The following CFAP299 variants were observed in gnomAD, a reference collection of about 807,000 sequenced individuals.
The protein encoded by CFAP299 is cilia and flagella associated protein 299, also known as cilia- and flagella-associated protein 299.
A neutral mutation model predicts 27.0 loss-of-function variants in CFAP299; 21 were observed. That is an observed-to-expected ratio of 0.78 (90% CI 0.55 to 1.12). CFAP299 has a LOEUF of 1.12. Ranked by LOEUF, CFAP299 falls within the 50% of genes most tolerant of loss-of-function variation. The probability of loss-of-function intolerance (pLI) is 0.00; values close to 1 mark genes in which losing one functional copy is unlikely to be tolerated. For synonymous variants in CFAP299, 104 were observed against 98.1 expected (o/e 1.06, Z -0.36); for missense variants, 310 against 276.6 (o/e 1.12, Z -0.86).
chr4:80,427,249 T>C lies in CFAP299; in HGVS notation c.242+64365T>C, dbSNP rs192054790. Among the ~76,000 whole-genome samples, 475 of 152,318 alleles carry C rather than the reference T, an allele frequency of 3.1e-3. 1 individual carries two copies. The highest frequency in any genetic ancestry group is 0.027 in the South Asian group (132 of 4,824). The stretch of plus-strand genomic sequence containing the variant: ...CCAGCTTATTTAACCATATAATTCC[T>C]TTCCACCAACATATTTTATTTTATT... On this transcript the variant is annotated intron_variant, in intron 2 of 5. Transcript: ENST00000358105.
intron 5 of CFAP299, among the ~76,000 whole-genome samples, chr4:80,949,542 A>G (rs1360214134): frequency 2.4e-5 from 1 of 41,946 alleles, no homozygotes; most frequent in African/African-American, 5.6e-5. Flanking sequence ...AAAAACAACA[A>G]CAACAAAAAA....
At chr4:80,771,913 CT>C (rs1040775595) in intron 3 of CFAP299, among the ~76,000 whole-genome samples, 1 of 152,248 alleles carries the variant, frequency 6.6e-6, no homozygotes, top group African/African-American at 2.4e-5. Flanking sequence ...GAATGTTATT[CT>C]TTGCTGAACG....
intron 3 of CFAP299, among the ~76,000 whole-genome samples, chr4:80,803,737 A>G (rs1354135470): frequency 6.7e-6 from 1 of 149,120 alleles, no homozygotes; most frequent in East Asian, 1.9e-4. Flanking sequence ...TGTATAATAT[A>G]TATTTTATTT....
At chr4:80,558,071 G>T (rs1289996143) in intron 2 of CFAP299, among the ~76,000 whole-genome samples, 1 of 151,966 alleles carries the variant, frequency 6.6e-6, no homozygotes, top group Non-Finnish European at 1.5e-5. Flanking sequence ...TTTTAATAAT[G>T]GTCAACACAA....
chr4:80,475,881 A>G (rs1730249633), intron 2 of CFAP299, among the ~76,000 whole-genome samples: 1 of 152,208 alleles, frequency 6.6e-6, no homozygotes, highest in South Asian at 2.1e-4. Flanking sequence ...ATGATCTAGG[A>G]AAGGGACTGA....
At chr4:80,385,934 G>A (rs751904128) in intron 2 of CFAP299, among the ~76,000 whole-genome samples, 15 of 152,240 alleles carry the variant, frequency 9.9e-5, no homozygotes, top group Non-Finnish European at 1.3e-4. Context: ...CTCTCTTGCC[G>A]TGGCTCTGCC....
chr4:80,406,072 A>C lies in CFAP299; in HGVS notation c.242+43188A>C, dbSNP rs78730306. Among the ~76,000 whole-genome samples the C allele has an allele frequency of 3.4e-3, 521 of 152,262 alleles. 1 individual carries two copies. Among genetic ancestry groups the C allele is most frequent in the African/African-American group, 0.012 (490 of 41,556 alleles). On this transcript the variant is annotated intron_variant, in intron 2 of 5. Transcript: ENST00000358105. ...CTCCAAAACAAAACAACAACAAAAA[A>C]CCTAATGTCCCACACAAGATCAAAG... is the stretch of plus-strand genomic sequence containing the variant.
chr4:80,765,391 C>T (rs1261036829), intron 3 of CFAP299, among the ~76,000 whole-genome samples: 1 of 151,974 alleles, frequency 6.6e-6, no homozygotes, highest in Non-Finnish European at 1.5e-5. Flanking sequence ...AATTCCACAT[C>T]CAGGCTGAAT....
At chr4:80,587,300 C>T (rs1186609413) in intron 3 of CFAP299, among the ~76,000 whole-genome samples, 1 of 152,000 alleles carries the variant, frequency 6.6e-6, no homozygotes, top group African/African-American at 2.4e-5. Flanking sequence ...ATTTATTTCA[C>T]CAGAAAAACT....
intron 3 of CFAP299, among the ~76,000 whole-genome samples, chr4:80,782,200 C>T (rs147725969): frequency 1.1e-4 from 17 of 152,054 alleles, no homozygotes; most frequent in South Asian, 4.1e-4. Context: ...GAGACATCTT[C>T]TTTTCCACCA....
chr4:80,763,027 CTCTA>C (rs1328711212), intron 3 of CFAP299, among the ~76,000 whole-genome samples: 2 of 152,132 alleles, frequency 1.3e-5, no homozygotes, highest in Non-Finnish European at 2.9e-5. Context: ...TAAGCTTTTT[CTCTA>C]TCTGTTTTCC....
At chr4:80,457,373 T>C (rs1030187960) in intron 2 of CFAP299, among the ~76,000 whole-genome samples, 3 of 152,168 alleles carry the variant, frequency 2.0e-5, no homozygotes, top group African/African-American at 7.2e-5. Context: ...TCAAATAGGT[T>C]ATCATGTTAT....
At chr4:80,574,338 C>CTAA (rs1735741385) in intron 2 of CFAP299, among the ~76,000 whole-genome samples, 1 of 152,040 alleles carries the variant, frequency 6.6e-6, no homozygotes, top group South Asian at 2.1e-4. Flanking sequence ...TTTATCAGTT[C>CTAA]TAATAGTTTT....
At chr4:80,758,211 T>G (rs926201436) in intron 3 of CFAP299, among the ~76,000 whole-genome samples, 1 of 152,098 alleles carries the variant, frequency 6.6e-6, no homozygotes, top group Non-Finnish European at 1.5e-5. Flanking sequence ...GTGGGGAATT[T>G]TATTGCTGAG....
At position 80,777,359 on chromosome 4, in the gene CFAP299, G is replaced by C. The variant is rs62302212; in HGVS notation, c.334-92634G>C. Among the ~76,000 whole-genome samples the C allele has an allele frequency of 8.7e-3, 1,327 of 152,014 alleles. 14 individuals carry two copies. Among genetic ancestry groups the C allele is most frequent in the Non-Finnish European group, 0.014 (977 of 67,978 alleles). Reference sequence around the variant, plus strand: ...CCTCCTGAATCTACTCATTTCTATGGCTGAGACATTGGATTGTTTGACACT... The same window carrying C: ...CCTCCTGAATCTACTCATTTCTATGCCTGAGACATTGGATTGTTTGACACT... On this transcript the variant is annotated intron_variant, in intron 3 of 5. Transcript: ENST00000358105.
intron 2 of CFAP299, among the ~76,000 whole-genome samples, chr4:80,580,030 A>T (rs1736086242): frequency 6.6e-6 from 1 of 152,100 alleles, no homozygotes; most frequent in South Asian, 2.1e-4. Flanking sequence ...TAGTACCCTA[A>T]CTGTATAGTC....
At chr4:80,916,995 A>T (rs1375416406) in intron 4 of CFAP299, among the ~76,000 whole-genome samples, 9 of 152,154 alleles carry the variant, frequency 5.9e-5, no homozygotes, top group Non-Finnish European at 1.3e-4. Flanking sequence ...GAGCAAAAAA[A>T]GGGTCAATAT....
At position 80,835,165 on chromosome 4, in the gene CFAP299, G is replaced by A. The variant is rs1267514551; in HGVS notation, c.334-34828G>A. The stretch of plus-strand genomic sequence containing the variant: ...GGAGTCTCGCTCTGTCGCCCAGGCT[G>A]CAGTGCAGTGGCTCGATCTCGGCTC... On this transcript the variant is annotated intron_variant, in intron 3 of 5. Coordinates refer to ENST00000358105, the MANE Select transcript of CFAP299 (RefSeq NM_152770.3). Among the ~76,000 whole-genome samples the A allele has an allele frequency of 4.6e-5, 7 of 152,046 alleles. No individual in the cohort carries two copies. The East Asian group carries it at 1.2e-3, about 25-fold the overall frequency.
At chr4:80,940,840 G>A (rs910970645) in intron 4 of CFAP299, among the ~76,000 whole-genome samples, 1 of 151,972 alleles carries the variant, frequency 6.6e-6, no homozygotes, top group Non-Finnish European at 1.5e-5. Context: ...TCAGTTGAAG[G>A]CCTAATTCAA....
Sources: gnomAD v4.1 joint callset for allele counts (sites outside exome capture counted in the v4.1 genomes callset) on GRCh38, gnomAD v4.1.1 for gene constraint, MANE v1.5 for transcripts, NCBI Gene and HGNC (gene_info 2026-07-23, HGNC 2026-07-21) for gene names.